VRK2: variants seen among roughly 807,000 people sequenced by gnomAD.
VRK2 encodes the protein VRK serine/threonine kinase 2, also known as serine/threonine-protein kinase VRK2.
In VRK2, 60 loss-of-function variants were observed where a neutral mutation model predicts 57.6. The ratio of observed to expected loss-of-function variants is 1.04; its 90% CI spans 0.85 to 1.29. VRK2 has a LOEUF of 1.29. Ranked by LOEUF, VRK2 falls within the 50% of genes most tolerant of loss-of-function variation. The pLI, the probability that VRK2 is intolerant of heterozygous loss-of-function variation, is 0.00. For synonymous variants in VRK2, 231 were observed against 199.2 expected, an observed-to-expected ratio of 1.16 and a Z score of -1.35; for missense variants, 705 against 588.1, an observed-to-expected ratio of 1.20 and a Z score of -2.06.
intron 12 of VRK2, chr2:58,154,800 A>G (rs1266407414): frequency 1.4e-6 from 1 of 717,348 alleles, no homozygotes; most frequent in Non-Finnish European, 2.6e-6. Flanking sequence ...TATTTTTTCT[A>G]ATGTAAGTAT....
At chr2:58,060,468 C>T (rs1337703692) in intron 2 of VRK2, among the ~76,000 whole-genome samples, 1 of 151,532 alleles carries the variant, frequency 6.6e-6, no homozygotes, top group African/African-American at 2.4e-5. Flanking sequence ...TTGATATTGG[C>T]ACATGGATAG....
intron 7 of VRK2, among the ~76,000 whole-genome samples, chr2:58,096,303 G>A (rs1673120346): frequency 6.6e-6 from 1 of 151,956 alleles, no homozygotes; most frequent in African/African-American, 2.4e-5. Flanking sequence ...AGAATTTGGA[G>A]GTTTTATTTT....
chr2:57,989,873 T>G (rs1389078953), intron 1 of VRK2, among the ~76,000 whole-genome samples: 1 of 152,222 alleles, frequency 6.6e-6, no homozygotes, highest in Non-Finnish European at 1.5e-5. Context: ...AAAGGACAGA[T>G]AAGCTAATAA....
chr2:58,143,660 A>G (rs1280071394), intron 11 of VRK2, among the ~76,000 whole-genome samples: 1 of 151,890 alleles, frequency 6.6e-6, no homozygotes, highest in African/African-American at 2.4e-5. Flanking sequence ...AATGCCTAGC[A>G]TATAGGAAGC....
chr2:57,914,753 A>C (rs1670094287), intron 1 of VRK2, among the ~76,000 whole-genome samples: 1 of 152,184 alleles, frequency 6.6e-6, no homozygotes, highest in African/African-American at 2.4e-5. Flanking sequence ...TTTAGATTTT[A>C]TTGAGACATA....
At chr2:58,073,017 T>C (rs1185741118) in intron 2 of VRK2, among the ~76,000 whole-genome samples, 2 of 152,082 alleles carry the variant, frequency 1.3e-5, no homozygotes, top group African/African-American at 2.4e-5. Context: ...TTTTAGAAAT[T>C]ATGTTTTCAT....
intron 1 of VRK2, among the ~76,000 whole-genome samples, chr2:58,016,787 T>G (rs1259895068): frequency 1.3e-5 from 2 of 152,196 alleles, no homozygotes; most frequent in African/African-American, 4.8e-5. Context: ...TTTCTGAAAA[T>G]TTGCTACTGT....
intron 7 of VRK2, among the ~76,000 whole-genome samples, chr2:58,113,760 C>A (rs893670995): frequency 6.6e-6 from 1 of 152,020 alleles, no homozygotes; most frequent in Non-Finnish European, 1.5e-5. Flanking sequence ...CGGGGCAGGG[C>A]CTTTTCACTT....
At chr2:58,126,565 G>A (rs1056861676) in intron 8 of VRK2, among the ~76,000 whole-genome samples, 1 of 152,032 alleles carries the variant, frequency 6.6e-6, no homozygotes, top group South Asian at 2.1e-4. Context: ...ATGGATGAAT[G>A]GATGGATAAC....
intron 7 of VRK2, among the ~76,000 whole-genome samples, chr2:58,116,566 G>A (rs1349351730): frequency 4.6e-5 from 7 of 152,084 alleles, no homozygotes; most frequent in African/African-American, 1.4e-4. Context: ...AATGTGGAGT[G>A]GGTAGCCTTC....
intron 1 of VRK2, among the ~76,000 whole-genome samples, chr2:57,916,347 G>A (rs113547445): frequency 0.03 from 4,500 of 151,116 alleles, 237 homozygotes; most frequent in African/African-American, 0.11. Flanking sequence ...CTGAGGTTGC[G>A]GTGAGCTGAG....
At chr2:58,150,279 C>T (rs1682802952) in intron 12 of VRK2, among the ~76,000 whole-genome samples, 1 of 151,314 alleles carries the variant, frequency 6.6e-6, no homozygotes, top group African/African-American at 2.4e-5. Context: ...TGCACATTTA[C>T]TTTCTATAAT....
chr2:58,150,307 GA>G (rs780873191), intron 12 of VRK2, among the ~76,000 whole-genome samples: 6 of 151,210 alleles, frequency 4.0e-5, no homozygotes, highest in East Asian at 3.9e-4. Flanking sequence ...GTGATCATTA[GA>G]TTTTTTTTCT....
chr2:58,151,832 C>A (rs1683128749), intron 12 of VRK2, among the ~76,000 whole-genome samples: 1 of 133,816 alleles, frequency 7.5e-6, no homozygotes, highest in Non-Finnish European at 1.6e-5. Context: ...CAGCCAACCA[C>A]CTATTTTTGT....
intron 10 of VRK2, among the ~76,000 whole-genome samples, chr2:58,137,202 C>CATATATGATACATGTATCATATATA (rs1680549626): frequency 1.1e-4 from 3 of 27,356 alleles, no homozygotes; most frequent in East Asian, 1.1e-3. Context: ...ACATATATAT[C>CATATATGATACATGTATCATATATA]TCATATATGA....
At chr2:58,091,391 C>T (rs981800295) in intron 7 of VRK2, among the ~76,000 whole-genome samples, 1 of 151,832 alleles carries the variant, frequency 6.6e-6, no homozygotes, top group Non-Finnish European at 1.5e-5. Flanking sequence ...TAAAACTTCT[C>T]TAAAAAATAT....
chr2:58,085,904 T>C (rs1671548780), intron 4 of VRK2, among the ~76,000 whole-genome samples: 1 of 150,688 alleles, frequency 6.6e-6, no homozygotes, highest in Non-Finnish European at 1.5e-5. Flanking sequence ...AAGATGGTTT[T>C]TCTGCCCAAT....
intron 1 of VRK2, among the ~76,000 whole-genome samples, chr2:58,023,864 G>A (rs1673838444): frequency 6.6e-6 from 1 of 152,054 alleles, no homozygotes; most frequent in African/African-American, 2.4e-5. Context: ...CTTTGGAGAG[G>A]AGTGGTCATG....
intron 1 of VRK2, among the ~76,000 whole-genome samples, chr2:58,004,278 C>T (rs1478000247): frequency 6.6e-6 from 1 of 152,032 alleles, no homozygotes; most frequent in Admixed American, 6.6e-5. Context: ...GTTCTTGAAG[C>T]CATAGAGGTA....
Sources: gnomAD v4.1 joint callset for allele counts (sites outside exome capture counted in the v4.1 genomes callset) on GRCh38, gnomAD v4.1.1 for gene constraint, MANE v1.5 for transcripts, NCBI Gene and HGNC (gene_info 2026-07-23, HGNC 2026-07-21) for gene names.